Variants in NUDT3 observed in about 807,000 individuals in gnomAD.
NUDT3 encodes the protein diphosphoinositol polyphosphate phosphohydrolase 1.
NUDT3 carries 9 observed loss-of-function variants against 23.6 expected under a neutral mutation model. That is an observed-to-expected ratio of 0.38 (90% CI 0.23 to 0.66). The LOEUF is 0.66. NUDT3 is among the 30% of genes least tolerant of loss of function. NUDT3 has a pLI of 0.52. For missense variants in NUDT3, 172 were observed against 218.5 expected, an observed-to-expected ratio of 0.79 and a Z score of 1.34; for synonymous variants, 86 against 82.6, an observed-to-expected ratio of 1.04 and a Z score of -0.22.
chr6:34,313,161 C>T (rs1763801261), intron 2 of NUDT3, among the ~76,000 whole-genome samples: 2 of 151,584 alleles, frequency 1.3e-5, no homozygotes, highest in South Asian at 2.1e-4. Flanking sequence ...GGTGACAGAG[C>T]GAGACCTTGT....
chr6:34,349,682 C>A (rs1387771727), intron 1 of NUDT3, among the ~76,000 whole-genome samples: 4 of 150,588 alleles, frequency 2.7e-5, no homozygotes, highest in Admixed American at 2.0e-4. Flanking sequence ...CCTATCCACC[C>A]ACTATCCACC....
intron 2 of NUDT3, among the ~76,000 whole-genome samples, chr6:34,321,761 G>C (rs1763945962): frequency 6.6e-6 from 1 of 151,990 alleles, no homozygotes; most frequent in African/African-American, 2.4e-5. Flanking sequence ...TGAGCATCAG[G>C]AAGCACACAG....
intron 1 of NUDT3, among the ~76,000 whole-genome samples, chr6:34,351,105 T>G (rs771345007): frequency 7.1e-6 from 1 of 140,654 alleles, no homozygotes; most frequent in Non-Finnish European, 1.5e-5. Context: ...ATCCCAGCAC[T>G]CTGGGAGGCT....
Position 34,347,829 on chromosome 6 carries a change from T to C in NUDT3, c.100-5857A>G, listed in dbSNP as rs555182464. 5.3e-5 allele frequency among the ~76,000 whole-genome samples: 8 copies of C among 152,084 alleles called. No homozygotes were observed. In the East Asian group the frequency reaches 1.4e-3, roughly 26 times the overall value. On this transcript the variant is annotated intron_variant, in intron 1 of 4. Coordinates refer to ENST00000607016, the MANE Select transcript of NUDT3 (RefSeq NM_006703.4). ...ACTTAGCTTGAGGATACCACAGTGA[T>C]AATGAAAAGAGATACCTGCCCGGAC...
intron 2 of NUDT3, among the ~76,000 whole-genome samples, chr6:34,336,096 C>T (rs1050088554): frequency 6.6e-5 from 10 of 151,942 alleles, no homozygotes; most frequent in Non-Finnish European, 1.5e-4. Flanking sequence ...TGATGAAACC[C>T]CGTCTCTACT....
intron 1 of NUDT3, among the ~76,000 whole-genome samples, chr6:34,365,886 C>T (rs953068915): frequency 5.3e-5 from 8 of 151,860 alleles, no homozygotes; most frequent in Non-Finnish European, 1.0e-4. Context: ...TACTAAAATA[C>T]AAAAATTAGC....
chr6:34,337,573 C>T (rs1220057122), intron 2 of NUDT3, among the ~76,000 whole-genome samples: 1 of 152,134 alleles, frequency 6.6e-6, no homozygotes, highest in Admixed American at 6.5e-5. Context: ...ACCCTATATC[C>T]TTCCTACTCC....
rs1554154786 is a variant in NUDT3, at chr6:34,351,226, A to AAAAC, written c.100-9255_100-9254insGTTT. On this transcript the variant is annotated intron_variant, in intron 1 of 4. Coordinates refer to ENST00000607016, the MANE Select transcript of NUDT3 (RefSeq NM_006703.4). ...AAAAAAAAAAAAAAAAAAAAAAAAA[A>AAAAC]CACTTTGGGAGGCCAAGATGGGAAG... 6.0e-5 allele frequency among the ~76,000 whole-genome samples: 8 copies of AAAAC among 134,074 alleles called. 1 individual carries two copies. The highest frequency in any genetic ancestry group is 2.5e-4 in the African/African-American group (8 of 32,094). The allele number at this position is 134,074 out of a possible 152,430, so 88.0% of individuals were successfully genotyped here.
intron 1 of NUDT3, among the ~76,000 whole-genome samples, chr6:34,350,668 A>G (rs1764453071): frequency 6.6e-6 from 1 of 150,818 alleles, no homozygotes; most frequent in African/African-American, 2.5e-5. Context: ...CCATTCTACT[A>G]TTTTTAATAG....
At chr6:34,290,401 C>CTTTTTTTTTT (rs952499361) in intron 4 of NUDT3, among the ~76,000 whole-genome samples, 2 of 107,342 alleles carry the variant, frequency 1.9e-5, no homozygotes, top group East Asian at 2.9e-4. Flanking sequence ...GCTGCTGCTT[C>CTTTTTTTTTT]TTTTTTTTTT....
chr6:34,391,332 G>C (rs1030188104), intron 1 of NUDT3, among the ~76,000 whole-genome samples: 3 of 152,096 alleles, frequency 2.0e-5, no homozygotes, highest in African/African-American at 7.2e-5. Flanking sequence ...CCATGCACAC[G>C]AGAAATGCAT....
chr6:34,328,497 T>C (rs1581868784), intron 2 of NUDT3, among the ~76,000 whole-genome samples: 1 of 152,202 alleles, frequency 6.6e-6, no homozygotes, highest in African/African-American at 2.4e-5. Context: ...CAAAGAAGAT[T>C]GCATATTATC....
chr6:34,350,088 C>CA lies in NUDT3; in HGVS notation c.100-8117dup, dbSNP rs35372069. ...TGGGCGACAGAGCGAAACTCCGTCT[C>CA]AAAAAAAAAGAAAAAAAAGAAAAGA... is the stretch of plus-strand genomic sequence containing the variant. On this transcript the variant is annotated intron_variant, in intron 1 of 4. Transcript: ENST00000607016. 3.5e-3 allele frequency among the ~76,000 whole-genome samples: 506 copies of CA among 143,966 alleles called. 11 individuals carry two copies. Among genetic ancestry groups the CA allele is most frequent in the Non-Finnish European group, 6.2e-3 (407 of 66,006 alleles). 94.4% of individuals were successfully genotyped at this position (143,966 alleles called of 152,430 possible).
At chr6:34,348,798 A>G (rs1764422893) in intron 1 of NUDT3, among the ~76,000 whole-genome samples, 1 of 151,840 alleles carries the variant, frequency 6.6e-6, no homozygotes, top group African/African-American at 2.4e-5. Flanking sequence ...GAAAGAAACA[A>G]AAGAACAAGT....
intron 2 of NUDT3, among the ~76,000 whole-genome samples, chr6:34,314,241 G>A (rs1254874521): frequency 6.6e-6 from 1 of 151,590 alleles, no homozygotes; most frequent in Non-Finnish European, 1.5e-5. Context: ...TGGCCAATAT[G>A]GCAAAACCCC....
At chr6:34,341,436 C>T (rs1296312116) in intron 2 of NUDT3, among the ~76,000 whole-genome samples, 4 of 152,146 alleles carry the variant, frequency 2.6e-5, no homozygotes, top group Non-Finnish European at 1.5e-5. Context: ...CTAACATAAT[C>T]ACTCCTTTAG....
At chr6:34,296,151 C>A (rs1424899711) in intron 2 of NUDT3, among the ~76,000 whole-genome samples, 1 of 152,222 alleles carries the variant, frequency 6.6e-6, no homozygotes, top group Non-Finnish European at 1.5e-5. Flanking sequence ...TGGCTATAGT[C>A]CCAGCTACTG....
intron 1 of NUDT3, among the ~76,000 whole-genome samples, chr6:34,347,384 T>C (rs1172969713): frequency 2.0e-5 from 3 of 152,204 alleles, no homozygotes; most frequent in Non-Finnish European, 4.4e-5. Flanking sequence ...TTTGAAGCTT[T>C]AGTCATTGAG....
chr6:34,308,351 C>T (rs1021518620), intron 2 of NUDT3, among the ~76,000 whole-genome samples: 2 of 150,854 alleles, frequency 1.3e-5, no homozygotes, highest in African/African-American at 4.9e-5. Context: ...ATCACAGCTA[C>T]TCAAGAAGCT....
Sources: allele counts gnomAD v4.1 joint callset (sites outside exome capture counted in the v4.1 genomes callset), GRCh38; gene constraint gnomAD v4.1.1; transcripts MANE v1.5; gene names NCBI Gene and HGNC (gene_info 2026-07-23, HGNC 2026-07-21).